SLC10A6: variants seen among roughly 807,000 people sequenced by gnomAD.
SLC10A6 encodes solute carrier family 10 member 6, also known as sodium-dependent organic anion transporter.
In SLC10A6, 27 loss-of-function variants were observed where a neutral mutation model predicts 30.0. The observed-to-expected ratio is 0.90, with a 90% CI of 0.66 to 1.24. The LOEUF (loss-of-function observed/expected upper bound fraction) is 1.24. Among genes scored for constraint, SLC10A6 ranks in the 50% most tolerant of loss-of-function variants. The pLI, the probability that SLC10A6 is intolerant of heterozygous loss-of-function variation, is 0.00. For missense variants in SLC10A6, 439 were observed against 457.0 expected (o/e 0.96, Z 0.36); for synonymous variants, 166 against 173.8 (o/e 0.95, Z 0.36).
At chr4:86,841,556 A>G (rs968953608) in intron 1 of SLC10A6, among the ~76,000 whole-genome samples, 1 of 152,248 alleles carries the variant, frequency 6.6e-6, no homozygotes, top group African/African-American at 2.4e-5. Flanking sequence ...TGAGAAGAAT[A>G]GCATCATCAT....
chr4:86,837,053 T>A (rs757073423), intron 1 of SLC10A6, among the ~76,000 whole-genome samples: 1 of 151,868 alleles, frequency 6.6e-6, no homozygotes, highest in African/African-American at 2.4e-5. Flanking sequence ...CATAATATAC[T>A]GTGTTTTTGT....
At chr4:86,838,795 C>T (rs890425283) in intron 1 of SLC10A6, among the ~76,000 whole-genome samples, 4 of 151,246 alleles carry the variant, frequency 2.6e-5, no homozygotes, top group South Asian at 2.1e-4. Flanking sequence ...TGGTGGCACA[C>T]GCCTGTAATC....
chr4:86,825,384 C>A, intron 5 of SLC10A6, 36 bp downstream of exon 5: 2 of 1,549,400 alleles, frequency 1.3e-6, no homozygotes, highest in South Asian at 2.4e-5. Flanking sequence ...AACAATTTCC[C>A]GTCAGTTATT....
chr4:86,823,952 A>C, intron 5 of SLC10A6, 50 bp from the exon 6 acceptor site: 1 of 1,518,902 alleles, frequency 6.6e-7, no homozygotes, highest in Non-Finnish European at 8.9e-7. Flanking sequence ...CAAAGAGTCT[A>C]ATTTGGTGAC....
chr4:86,844,547 A>G (rs957219215), intron 1 of SLC10A6, among the ~76,000 whole-genome samples: 3 of 152,214 alleles, frequency 2.0e-5, no homozygotes, highest in African/African-American at 7.2e-5. Context: ...GGTGGAAGGA[A>G]GAGGATCTGG....
chr4:86,837,679 G>A (rs1746224710), intron 1 of SLC10A6: 2 of 940,422 alleles, frequency 2.1e-6, no homozygotes, highest in Non-Finnish European at 2.5e-6. Flanking sequence ...GATAGAACCA[G>A]TGAAAGAATG....
Position 86,849,109 on chromosome 4 carries a change from C to T in SLC10A6, c.7G>A (p.Ala3Thr), listed in dbSNP as rs752532679. 8.7e-6 allele frequency: 14 copies of T among 1,609,072 alleles called. No individual in the cohort carries two copies. The East Asian group carries it at 1.6e-4, about 18-fold the overall frequency. The change falls in exon 1 of 6, where the codon GCC (alanine) becomes ACC (threonine). Residue 3 changes from alanine (A) to threonine (T), a missense_variant. Physicochemically the swap from Ala to Thr is moderately conservative, Grantham distance 58. Coordinates refer to ENST00000273905, the MANE Select transcript of SLC10A6 (RefSeq NM_197965.3). ...CAGGCTGAGCTGCTGGAACAATTGGCTCTCATCTCCTCATCTCCTTAAGGC... is the reference window on the plus strand; with the variant it reads ...CAGGCTGAGCTGCTGGAACAATTGGTTCTCATCTCCTCATCTCCTTAAGGC... MRANCSSSSACPA... is the reference protein window; with the variant it reads MRTNCSSSSACPA...
chr4:86,843,924 A>C (rs971386443), intron 1 of SLC10A6, among the ~76,000 whole-genome samples: 2 of 152,180 alleles, frequency 1.3e-5, no homozygotes, highest in African/African-American at 4.8e-5. Context: ...CACACCGGTA[A>C]TCCCAGCACT....
At chr4:86,834,498 A>G (rs116173987) in intron 1 of SLC10A6, among the ~76,000 whole-genome samples, 1 of 152,180 alleles carries the variant, frequency 6.6e-6, no homozygotes, top group African/African-American at 2.4e-5. Context: ...AGTATATCAC[A>G]TTGATTTTTC....
At chr4:86,842,871 TTTC>T (rs1481724618) in intron 1 of SLC10A6, among the ~76,000 whole-genome samples, 18 of 55,672 alleles carry the variant, frequency 3.2e-4, no homozygotes, top group Non-Finnish European at 4.6e-4. Context: ...TCTTTCTTTC[TTTC>T]TTTTTTTTTT....
At chr4:86,834,773 G>A (rs1578756523) in intron 1 of SLC10A6, among the ~76,000 whole-genome samples, 1 of 152,262 alleles carries the variant, frequency 6.6e-6, no homozygotes, top group East Asian at 1.9e-4. Context: ...AGTTCTGCAG[G>A]CTGTACAAGC....
At chr4:86,827,906 G>T in intron 4 of SLC10A6, 87 bp downstream of exon 4, 1 of 1,272,980 alleles carries the variant, frequency 7.9e-7, no homozygotes, top group Non-Finnish European at 1.1e-6. Flanking sequence ...AACTCTTCAT[G>T]TCTCCTGACA....
At chr4:86,845,184 A>T (rs772960337) in intron 1 of SLC10A6, among the ~76,000 whole-genome samples, 19 of 152,218 alleles carry the variant, frequency 1.2e-4, no homozygotes, top group Non-Finnish European at 2.4e-4. Flanking sequence ...CTCTTCATAC[A>T]TATCAGCCAA....
At chr4:86,835,005 C>A (rs992933233) in intron 1 of SLC10A6, among the ~76,000 whole-genome samples, 3 of 152,102 alleles carry the variant, frequency 2.0e-5, no homozygotes, top group Non-Finnish European at 2.9e-5. Flanking sequence ...CATGAGAGAT[C>A]CACCCCATGA....
intron 2 of SLC10A6, among the ~76,000 whole-genome samples, chr4:86,833,060 TC>T (rs1389311274): frequency 1.3e-5 from 2 of 152,162 alleles, no homozygotes; most frequent in African/African-American, 2.4e-5. Flanking sequence ...GTAGTCAGAT[TC>T]CCGGGTTAGA....
intron 1 of SLC10A6, among the ~76,000 whole-genome samples, chr4:86,846,933 T>A (rs562781412): frequency 6.6e-6 from 1 of 152,240 alleles, no homozygotes; most frequent in Non-Finnish European, 1.5e-5. Flanking sequence ...TTATCTTTCA[T>A]AGGTTTCCTG....
In SLC10A6 at chr4:86,828,038, A is replaced by T; in HGVS notation, c.716T>A (p.Val239Asp). 6.2e-7 allele frequency: 1 copy of T among 1,614,062 alleles called. No individual in the cohort carries two copies. Residue 239 changes from valine (V) to aspartate (D), a missense_variant, in exon 4 of 6, where the codon GTC becomes GAC. By Grantham distance (152) the Val-to-Asp change is radical. Coordinates refer to ENST00000273905, the MANE Select transcript of SLC10A6 (RefSeq NM_197965.3). ...AAAAAGTGCCAGCAGAAAACCCGTGACATGGCCAATCAAAGGAAAGATGAA... is the reference window on the plus strand; with the variant it reads ...AAAAAGTGCCAGCAGAAAACCCGTGTCATGGCCAATCAAAGGAAAGATGAA... Reference protein sequence around the residue: ...ISFIFPLIGHVTGFLLALFTH... With the variant: ...ISFIFPLIGHDTGFLLALFTH...
chr4:86,835,091 C>T (rs187897983), intron 1 of SLC10A6, among the ~76,000 whole-genome samples: 21 of 152,224 alleles, frequency 1.4e-4, no homozygotes, highest in Non-Finnish European at 2.2e-4. Flanking sequence ...AGGACAAACA[C>T]CCAAACCACA....
In SLC10A6 at chr4:86,849,153, C is replaced by A. The variant is rs373115683; in HGVS notation, c.-38G>T. The A allele has an allele frequency of 6.4e-7, 1 of 1,571,176 alleles. No individual in the cohort carries two copies. The highest frequency in any genetic ancestry group is 1.2e-5 in the South Asian group (1 of 83,684). On this transcript the variant is annotated 5_prime_UTR_variant, in exon 1 of 6. Transcript: ENST00000273905. ...TTAAGGCAGCATTACAAATGAACATCGGCAACAATGGCTGGGCAGGTCTAT... is the reference window on the plus strand; with the variant it reads ...TTAAGGCAGCATTACAAATGAACATAGGCAACAATGGCTGGGCAGGTCTAT...
Sources: allele counts gnomAD v4.1 joint callset (sites outside exome capture counted in the v4.1 genomes callset), GRCh38; gene constraint gnomAD v4.1.1; transcripts MANE v1.5; gene names NCBI Gene and HGNC (gene_info 2026-07-23, HGNC 2026-07-21).